Variants in ZNF804B observed in about 807,000 individuals in gnomAD.
ZNF804B encodes the protein zinc finger protein 804B.
ZNF804B carries 80 observed loss-of-function variants against 101.4 expected under a neutral mutation model. The ratio of observed to expected loss-of-function variants is 0.79; its 90% CI spans 0.66 to 0.95. ZNF804B has a LOEUF of 0.95. Among genes scored for constraint, ZNF804B ranks in the 40% least tolerant of loss-of-function variants. The pLI is 0.00. For missense variants in ZNF804B, 1,673 were observed against 1,561.9 expected (o/e 1.07, Z -1.20); for synonymous variants, 622 against 558.8 (o/e 1.11, Z -1.59).
chr7:89,277,919 C>T lies in ZNF804B; in HGVS notation c.250-49425C>T, dbSNP rs571075571. 2.6e-5 allele frequency among the ~76,000 whole-genome samples: 4 copies of T among 152,168 alleles called. No individual in the cohort carries two copies. The South Asian group carries it at 6.2e-4, about 24-fold the overall frequency. ...TTCTAGTTCTAGGTCCATGAAGAGT[C>T]GCCACACTGACTTCCACAATGGTTG... On this transcript the variant is annotated intron_variant, in intron 2 of 3. Coordinates refer to ENST00000333190, the MANE Select transcript of ZNF804B (RefSeq NM_181646.5).
At position 89,338,312 on chromosome 7, in the gene ZNF804B, A is replaced by G. The variant is rs567820530; in HGVS notation, c.*1280A>G. ...CTTCAGCCTTGGCTGCAAAAGGAAGATAGCTATATTTAAGGCTTGTTGTGA... is the reference window on the plus strand; with the variant it reads ...CTTCAGCCTTGGCTGCAAAAGGAAGGTAGCTATATTTAAGGCTTGTTGTGA... On this transcript the variant is annotated 3_prime_UTR_variant, in exon 4 of 4. Transcript: ENST00000333190. Among the ~76,000 whole-genome samples, 1 of 152,198 alleles carries G rather than the reference A, an allele frequency of 6.6e-6. No individual in the cohort carries two copies. The highest frequency in any genetic ancestry group is 1.5e-5 in the Non-Finnish European group (1 of 67,944).
intron 2 of ZNF804B, among the ~76,000 whole-genome samples, chr7:89,219,387 T>C (rs909587593): frequency 2.6e-5 from 4 of 151,932 alleles, no homozygotes; most frequent in African/African-American, 9.7e-5. Context: ...AAATGAAACA[T>C]TGAAAACAGG....
chr7:88,980,712 G>C (rs1057122328), intron 1 of ZNF804B, among the ~76,000 whole-genome samples: 2 of 151,986 alleles, frequency 1.3e-5, no homozygotes, highest in African/African-American at 4.8e-5. Context: ...GGGAGGGGGT[G>C]ACACAAGCAT....
At chr7:89,057,475 A>G (rs1401484378) in intron 1 of ZNF804B, among the ~76,000 whole-genome samples, 2 of 149,618 alleles carry the variant, frequency 1.3e-5, no homozygotes, top group African/African-American at 5.0e-5. Flanking sequence ...TCCTTGAAGG[A>G]CTAGGAAAGC....
chr7:89,147,289 C>T (rs1181171222), intron 1 of ZNF804B, among the ~76,000 whole-genome samples: 4 of 151,888 alleles, frequency 2.6e-5, no homozygotes, highest in Non-Finnish European at 5.9e-5. Context: ...GAATCTTTAA[C>T]CCAGGTATTG....
At chr7:89,308,077 C>T (rs1790593134) in intron 2 of ZNF804B, among the ~76,000 whole-genome samples, 1 of 151,964 alleles carries the variant, frequency 6.6e-6, no homozygotes, top group South Asian at 2.1e-4. Flanking sequence ...GTTTCACTTG[C>T]AAGAAAAAAA....
chr7:88,811,951 C>G (rs976644236), intron 1 of ZNF804B, among the ~76,000 whole-genome samples: 17 of 152,098 alleles, frequency 1.1e-4, no homozygotes, highest in African/African-American at 3.9e-4. Context: ...GCACACCCTG[C>G]ACATGTACCC....
intron 1 of ZNF804B, among the ~76,000 whole-genome samples, chr7:88,931,813 A>G (rs570565771): frequency 2.0e-5 from 3 of 152,026 alleles, no homozygotes; most frequent in Non-Finnish European, 4.4e-5. Context: ...AAGTGATTCA[A>G]TGTTTTTTTT....
intron 1 of ZNF804B, among the ~76,000 whole-genome samples, chr7:89,143,298 G>C (rs1357369380): frequency 1.3e-5 from 2 of 151,722 alleles, no homozygotes; most frequent in Non-Finnish European, 2.9e-5. Flanking sequence ...CCTTCTCCAG[G>C]ACATGTTGGA....
intron 2 of ZNF804B, among the ~76,000 whole-genome samples, chr7:89,241,848 C>G (rs958060060): frequency 1.3e-5 from 2 of 149,442 alleles, no homozygotes; most frequent in African/African-American, 4.9e-5. Context: ...ACAAACACTA[C>G]AGGGTAATGT....
At chr7:89,279,967 A>G (rs1329772896) in intron 2 of ZNF804B, among the ~76,000 whole-genome samples, 1 of 151,908 alleles carries the variant, frequency 6.6e-6, no homozygotes, top group Non-Finnish European at 1.5e-5. Context: ...TTTTTTCAAC[A>G]CCACACCACA....
At chr7:88,931,371 ATTG>A (rs1360922646) in intron 1 of ZNF804B, among the ~76,000 whole-genome samples, 6 of 151,878 alleles carry the variant, frequency 4.0e-5, no homozygotes, top group Non-Finnish European at 5.9e-5. Flanking sequence ...GATTGCTGTT[ATTG>A]TTCTCTGAAT....
chr7:88,996,559 C>T (rs1229019199), intron 1 of ZNF804B, among the ~76,000 whole-genome samples: 1 of 151,994 alleles, frequency 6.6e-6, no homozygotes. Context: ...AATCTTGAAT[C>T]ATTGTGGTTT....
chr7:89,099,962 C>T (rs137872198), intron 1 of ZNF804B, among the ~76,000 whole-genome samples: 43 of 152,194 alleles, frequency 2.8e-4, no homozygotes, highest in Non-Finnish European at 4.6e-4. Context: ...TCATATGGCT[C>T]ATCTGAAAGA....
chr7:89,160,836 G>T (rs536811865), intron 1 of ZNF804B, among the ~76,000 whole-genome samples: 5 of 151,972 alleles, frequency 3.3e-5, no homozygotes, highest in Non-Finnish European at 7.4e-5. Context: ...AACATTCTGC[G>T]TCATTATTCC....
chr7:88,961,140 A>G (rs1380833769), intron 1 of ZNF804B, among the ~76,000 whole-genome samples: 1 of 151,466 alleles, frequency 6.6e-6, no homozygotes, highest in Non-Finnish European at 1.5e-5. Context: ...ACCCAATTCT[A>G]TTCCAAAAAG....
At chr7:88,999,355 G>A (rs1410011491) in intron 1 of ZNF804B, among the ~76,000 whole-genome samples, 2 of 151,932 alleles carry the variant, frequency 1.3e-5, no homozygotes, top group Admixed American at 1.3e-4. Context: ...TAGTTAGTGA[G>A]GATGTTAAAA....
chr7:88,843,926 A>G (rs1471625872), intron 1 of ZNF804B, among the ~76,000 whole-genome samples: 2 of 152,126 alleles, frequency 1.3e-5, no homozygotes, highest in Non-Finnish European at 2.9e-5. Context: ...ATACCTGGTA[A>G]ACTTCTAATT....
intron 1 of ZNF804B, among the ~76,000 whole-genome samples, chr7:88,986,750 G>T (rs566790224): frequency 6.6e-6 from 1 of 152,090 alleles, no homozygotes; most frequent in Non-Finnish European, 1.5e-5. Context: ...CCTATTTCTA[G>T]ATCTTTGTGT....
Sources: gnomAD v4.1 joint callset for allele counts (sites outside exome capture counted in the v4.1 genomes callset) on GRCh38, gnomAD v4.1.1 for gene constraint, MANE v1.5 for transcripts, NCBI Gene and HGNC (gene_info 2026-07-23, HGNC 2026-07-21) for gene names.